Variants in MICU1 observed in about 807,000 individuals in gnomAD.
The protein encoded by MICU1 is calcium uptake protein 1, mitochondrial.
In MICU1, 45 loss-of-function variants were observed where a neutral mutation model predicts 56.8. The observed-to-expected ratio is 0.79, with a 90% CI of 0.62 to 1.02. The LOEUF is 1.02. Ranked by LOEUF, MICU1 falls within the 50% of genes least tolerant of loss-of-function variation. MICU1 has a pLI of 0.00. For synonymous variants in MICU1, 186 were observed against 195.1 expected (o/e 0.95, Z 0.39); for missense variants, 504 against 587.1 (o/e 0.86, Z 1.46).
Position 72,523,277 on chromosome 10 carries a change from TGTTA to T in MICU1, c.537+10465_537+10468del, listed in dbSNP as rs1160470975. Among the ~76,000 whole-genome samples the T allele has an allele frequency of 2.6e-5, 4 of 152,296 alleles. No homozygotes were observed. In the East Asian group the frequency reaches 5.8e-4, roughly 22 times the overall value. On this transcript the variant is annotated intron_variant, in intron 5 of 11. Transcript: ENST00000361114. ...GGAAGTGGCTGGCCTCAATCACAGG[TGTTA>T]GTATCTCATCTGATCTATTCGGTAC...
chr10:72,529,671 A>C (rs555562982), intron 5 of MICU1, among the ~76,000 whole-genome samples: 5 of 152,134 alleles, frequency 3.3e-5, no homozygotes, highest in Non-Finnish European at 7.4e-5. Flanking sequence ...GAAAATGGGA[A>C]AATAAAGAAG....
At chr10:72,586,013 CTTTTTTTT>C (rs71021511) in intron 1 of MICU1, among the ~76,000 whole-genome samples, 15 of 74,680 alleles carry the variant, frequency 2.0e-4, no homozygotes, top group Non-Finnish European at 1.4e-4. Flanking sequence ...TTTTTTTTTT[CTTTTTTTT>C]TTTTTTTTTT....
At chr10:72,596,269 C>T (rs1841378131) in intron 1 of MICU1, among the ~76,000 whole-genome samples, 1 of 152,104 alleles carries the variant, frequency 6.6e-6, no homozygotes, top group South Asian at 2.1e-4. Flanking sequence ...GCCACTGTGC[C>T]CCGCTGAAAC....
At chr10:72,609,648 G>T (rs1384935929) in intron 1 of MICU1, among the ~76,000 whole-genome samples, 4 of 151,318 alleles carry the variant, frequency 2.6e-5, no homozygotes, top group African/African-American at 9.7e-5. Flanking sequence ...GCAGGAGAAT[G>T]GTGTGAACCC....
intron 8 of MICU1, among the ~76,000 whole-genome samples, chr10:72,432,007 T>C (rs1225784786): frequency 2.6e-5 from 4 of 152,118 alleles, no homozygotes. Context: ...TTTTATGTTG[T>C]CTATTTTTAA....
intron 5 of MICU1, among the ~76,000 whole-genome samples, chr10:72,521,278 C>T (rs1026789863): frequency 6.6e-6 from 1 of 152,086 alleles, no homozygotes; most frequent in Non-Finnish European, 1.5e-5. Context: ...TAGTAACTAT[C>T]ACCTCCCAAG....
intron 8 of MICU1, among the ~76,000 whole-genome samples, chr10:72,446,082 A>G (rs1865094767): frequency 6.6e-6 from 1 of 152,070 alleles, no homozygotes; most frequent in African/African-American, 2.4e-5. Context: ...GAGTGTCAGT[A>G]GCTTGGAAGA....
chr10:72,613,851 A>G (rs758796887), intron 1 of MICU1, among the ~76,000 whole-genome samples: 4 of 152,064 alleles, frequency 2.6e-5, no homozygotes, highest in African/African-American at 4.8e-5. Context: ...TTGTGTTACA[A>G]TATACATAAT....
chr10:72,432,120 G>T, intron 8 of MICU1, among the ~76,000 whole-genome samples: 1 of 142,510 alleles, frequency 7.0e-6, no homozygotes, highest in African/African-American at 2.6e-5. Flanking sequence ...TTGAGGCAGG[G>T]TCTCACTCTG....
chr10:72,624,608 C>A (rs1177871260), intron 1 of MICU1, among the ~76,000 whole-genome samples: 1 of 152,180 alleles, frequency 6.6e-6, no homozygotes, highest in African/African-American at 2.4e-5. Flanking sequence ...TTATTAGCTT[C>A]TATTAGTTTC....
At chr10:72,516,675 C>T (rs1564913994) in intron 5 of MICU1, among the ~76,000 whole-genome samples, 1 of 152,032 alleles carries the variant, frequency 6.6e-6, no homozygotes, top group African/African-American at 2.4e-5. Flanking sequence ...TTCCCAGCAC[C>T]ATTTATTAAA....
intron 8 of MICU1, among the ~76,000 whole-genome samples, chr10:72,455,264 A>C (rs1186541770): frequency 6.8e-6 from 1 of 147,036 alleles, no homozygotes; most frequent in Non-Finnish European, 1.5e-5. Flanking sequence ...AGGCAGGAAA[A>C]GCTTGAACCC....
intron 10 of MICU1, among the ~76,000 whole-genome samples, chr10:72,400,078 AAAAC>A (rs1376122005): frequency 2.6e-5 from 4 of 152,258 alleles, no homozygotes; most frequent in Non-Finnish European, 4.4e-5. Context: ...AACAAAACAA[AAAAC>A]AAACCCCAAA....
At chr10:72,612,386 A>T (rs1841874713) in intron 1 of MICU1, among the ~76,000 whole-genome samples, 1 of 152,232 alleles carries the variant, frequency 6.6e-6, no homozygotes, top group Admixed American at 6.5e-5. Flanking sequence ...GCAGTCGAAA[A>T]GGAAGTTATT....
intron 5 of MICU1, chr10:72,523,755 A>G: frequency 8.1e-7 from 1 of 1,228,056 alleles, no homozygotes; most frequent in Non-Finnish European, 1.1e-6. Context: ...TAATTTATAA[A>G]CTACCATTAA....
chr10:72,510,165 G>A (rs559561104), intron 5 of MICU1, among the ~76,000 whole-genome samples: 18 of 152,226 alleles, frequency 1.2e-4, no homozygotes, highest in African/African-American at 4.3e-4. Context: ...AGCCAAAGAA[G>A]CAAACCTAAC....
chr10:72,468,171 G>A (rs1361318514), intron 8 of MICU1, among the ~76,000 whole-genome samples: 1 of 152,000 alleles, frequency 6.6e-6, no homozygotes, highest in Non-Finnish European at 1.5e-5. Context: ...TGCTAAGCAC[G>A]TGAATCCCAG....
intron 5 of MICU1, chr10:72,523,899 T>G: frequency 6.6e-7 from 1 of 1,513,020 alleles, no homozygotes; most frequent in Non-Finnish European, 8.8e-7. Context: ...CAAATTAAAG[T>G]CATTGATTAG....
At chr10:72,513,187 C>A (rs931525058) in intron 5 of MICU1, among the ~76,000 whole-genome samples, 4 of 152,124 alleles carry the variant, frequency 2.6e-5, no homozygotes, top group African/African-American at 9.7e-5. Context: ...TAAGAGGATT[C>A]CACATTCTCC....
Sources: gnomAD v4.1 joint callset for allele counts (sites outside exome capture counted in the v4.1 genomes callset) on GRCh38, gnomAD v4.1.1 for gene constraint, MANE v1.5 for transcripts, NCBI Gene and HGNC (gene_info 2026-07-23, HGNC 2026-07-21) for gene names.